The following IRAK4 variants were observed in gnomAD, a reference collection of about 807,000 sequenced individuals.
The protein encoded by IRAK4 is interleukin-1 receptor-associated kinase 4.
A neutral mutation model predicts 51.8 loss-of-function variants in IRAK4; 44 were observed. The observed-to-expected ratio is 0.85, with a 90% CI of 0.67 to 1.09. The LOEUF is 1.09. IRAK4 is among the 50% of genes least tolerant of loss of function. IRAK4 has a pLI of 0.00. For missense variants in IRAK4, 487 were observed against 538.0 expected, an observed-to-expected ratio of 0.91 and a Z score of 0.94; for synonymous variants, 149 against 174.1, an observed-to-expected ratio of 0.86 and a Z score of 1.13.
chr12:43,759,484 G>A (rs1434080056), intron 1 of IRAK4: 1 of 152,208 alleles, frequency 6.6e-6, no homozygotes, highest in Non-Finnish European at 1.5e-5. Context: ...TTAGAAAGTG[G>A]AGGCGGCTTA....
intron 1 of IRAK4, among the ~76,000 whole-genome samples, chr12:43,766,742 T>C (rs1940190795): frequency 6.6e-6 from 1 of 152,180 alleles, no homozygotes; most frequent in South Asian, 2.1e-4. Flanking sequence ...GATAAAACTG[T>C]ACTGGGAAAT....
At chr12:43,773,840 G>A in intron 5 of IRAK4, 125 bp from the exon 6 acceptor site, 1 of 687,522 alleles carries the variant, frequency 1.5e-6, no homozygotes, top group Non-Finnish European at 2.6e-6. Context: ...TTATTCTGTA[G>A]AATTGGGAGA....
chr12:43,776,659 C>T (rs1941300522), intron 6 of IRAK4, among the ~76,000 whole-genome samples: 1 of 152,234 alleles, frequency 6.6e-6, no homozygotes, highest in Non-Finnish European at 1.5e-5. Context: ...AGCTGAGGCT[C>T]AGTAAGGCTG....
At chr12:43,774,574 C>T (rs919591092) in intron 6 of IRAK4, among the ~76,000 whole-genome samples, 7 of 152,206 alleles carry the variant, frequency 4.6e-5, no homozygotes, top group South Asian at 2.1e-4. Flanking sequence ...AACAAAGTTA[C>T]GTGAAATTTC....
rs754111173 is a variant in IRAK4 at position 43,777,587 on chromosome 12, A to G, written c.717-43A>G. On this transcript the variant is annotated intron_variant, in intron 6 of 11. Transcript: ENST00000613694. Reference sequence around the variant, plus strand: ...TAACTTCCAACCTATAGCTGAATATATATTTATTATAATAATTTTGCATGA... The same window carrying G: ...TAACTTCCAACCTATAGCTGAATATGTATTTATTATAATAATTTTGCATGA... 6 of 1,541,786 alleles carry G rather than the reference A, an allele frequency of 3.9e-6. No homozygotes were observed. In the African/African-American group the frequency reaches 5.6e-5, roughly 14 times the overall value.
intron 2 of IRAK4, chr12:43,768,508 A>G (rs1940411837): frequency 5.7e-6 from 2 of 353,804 alleles, no homozygotes; most frequent in African/African-American, 2.1e-5. Context: ...GGTTAGAATC[A>G]AGATTCCCAC....
chr12:43,781,874 T>C (rs1941805396), intron 8 of IRAK4, among the ~76,000 whole-genome samples: 1 of 152,192 alleles, frequency 6.6e-6, no homozygotes, highest in Admixed American at 6.5e-5. Flanking sequence ...AATTCATAAT[T>C]GAGATACTTT....
Position 43,772,897 on chromosome 12 carries a change from C to G in IRAK4, c.491-15C>G. The stretch of plus-strand genomic sequence containing the variant: ...ATTTTTAAAATTTAAGCATGTTTTT[C>G]TTATTTTGACATAGGTTTTCACAGT... On this transcript the variant is annotated splice_polypyrimidine_tract_variant and intron_variant, in intron 4 of 11. Transcript: ENST00000613694. 1 of 1,579,818 alleles carries G rather than the reference C, an allele frequency of 6.3e-7. No individual in the cohort carries two copies. The highest frequency in any genetic ancestry group is 1.7e-5 in the Admixed American group (1 of 58,252).
chr12:43,783,416 C>T (rs1484637939), intron 9 of IRAK4, among the ~76,000 whole-genome samples: 5 of 152,120 alleles, frequency 3.3e-5, no homozygotes, highest in African/African-American at 1.2e-4. Flanking sequence ...CTCCCAGGTT[C>T]TAGTGATCCT....
At chr12:43,771,870 G>T (rs1376469486) in intron 3 of IRAK4, among the ~76,000 whole-genome samples, 1 of 151,940 alleles carries the variant, frequency 6.6e-6, no homozygotes, top group African/African-American at 2.4e-5. Flanking sequence ...AGTTTCCTAG[G>T]GTCTGTTCCA....
intron 1 of IRAK4, among the ~76,000 whole-genome samples, chr12:43,766,934 T>C (rs993784468): frequency 6.6e-6 from 1 of 152,146 alleles, no homozygotes; most frequent in Non-Finnish European, 1.5e-5. Flanking sequence ...TGTGCAGTGA[T>C]GAAAGATAAT....
At chr12:43,768,997 A>G (rs950620389) in intron 2 of IRAK4, among the ~76,000 whole-genome samples, 5 of 152,220 alleles carry the variant, frequency 3.3e-5, no homozygotes, top group Non-Finnish European at 7.3e-5. Flanking sequence ...ATTTCCTCAT[A>G]AGAAGAGCGA....
intron 6 of IRAK4, 113 bp downstream of exon 6, chr12:43,774,142 T>G (rs1206517678): frequency 1.3e-6 from 1 of 755,982 alleles, no homozygotes; most frequent in Non-Finnish European, 2.3e-6. Context: ...ATATATGAAA[T>G]TAAAATAAAG....
At position 43,787,074 on chromosome 12, in the gene IRAK4, G is replaced by T; in HGVS notation, c.*359G>T. 4.1e-6 allele frequency: 1 copy of T among 242,388 alleles called. No individual in the cohort carries two copies. The highest frequency in any genetic ancestry group is 8.0e-6 in the Non-Finnish European group (1 of 125,200). 15.0% of individuals were successfully genotyped at this position (242,388 alleles called of 1,614,324 possible). ...GACTCCACTACTAATTTGCTGTAAA[G>T]CTTTGGACATACACTTAGCTGCTGT... On this transcript the variant is annotated 3_prime_UTR_variant, in exon 12 of 12. Transcript: ENST00000613694.
At position 43,787,011 on chromosome 12, in the gene IRAK4, G is replaced by C. The variant is rs1942265004; in HGVS notation, c.*296G>C. 5.1e-6 allele frequency: 2 copies of C among 394,960 alleles called. No homozygotes were observed. Among genetic ancestry groups the C allele is most frequent in the South Asian group, 6.6e-5 (2 of 30,388 alleles). The allele number at this position is 394,960 out of a possible 1,614,324, so 24.5% of individuals were successfully genotyped here. A position where few individuals can be genotyped will look rare whatever the true frequency, so the allele number is the denominator to read the frequency against. On this transcript the variant is annotated 3_prime_UTR_variant, in exon 12 of 12. Transcript: ENST00000613694. Reference sequence around the variant, plus strand: ...AGGGTTAGCAAAAAGAGCCTGGGCTGTATGTAGGGTGGAAACACTCTGATC... The same window carrying C: ...AGGGTTAGCAAAAAGAGCCTGGGCTCTATGTAGGGTGGAAACACTCTGATC...
rs111813306 is a variant in IRAK4 at position 43,788,798 on chromosome 12, C to T, written c.*2083C>T. 1 of 152,140 alleles carries T rather than the reference C, an allele frequency of 6.6e-6. No homozygotes were observed. The highest frequency in any genetic ancestry group is 1.5e-5 in the Non-Finnish European group (1 of 68,082). The allele number at this position is 152,140 out of a possible 1,614,324, so 9.4% of individuals were successfully genotyped here. A position where few individuals can be genotyped will look rare whatever the true frequency, so the allele number is the denominator to read the frequency against. ...CCTCGTGATCACCCGCCTCGGCCTCCCAAAGTGCCAGTATTTAAAGTTTAA... is the reference window on the plus strand; with the variant it reads ...CCTCGTGATCACCCGCCTCGGCCTCTCAAAGTGCCAGTATTTAAAGTTTAA... On this transcript the variant is annotated 3_prime_UTR_variant, in exon 12 of 12. Coordinates refer to ENST00000613694, the MANE Select transcript of IRAK4 (RefSeq NM_016123.4).
chr12:43,777,474 C>T (rs1941385034), intron 6 of IRAK4, among the ~76,000 whole-genome samples, 156 bp from the exon 7 acceptor site: 1 of 152,080 alleles, frequency 6.6e-6, no homozygotes, highest in Non-Finnish European at 1.5e-5. Flanking sequence ...TAAACAGTTA[C>T]AATAAACATA....
intron 2 of IRAK4, among the ~76,000 whole-genome samples, chr12:43,768,950 G>A (rs191920722): frequency 6.6e-6 from 1 of 152,296 alleles, no homozygotes; most frequent in African/African-American, 2.4e-5. Context: ...ATTAATCTGG[G>A]AAAGAACCTA....
chr12:43,774,746 G>A (rs1941115944), intron 6 of IRAK4, among the ~76,000 whole-genome samples: 1 of 152,188 alleles, frequency 6.6e-6, no homozygotes, highest in African/African-American at 2.4e-5. Flanking sequence ...ATGCTTAGAA[G>A]GCATTGATCC....
Sources: gnomAD v4.1 joint callset for allele counts (sites outside exome capture counted in the v4.1 genomes callset) on GRCh38, gnomAD v4.1.1 for gene constraint, MANE v1.5 for transcripts, NCBI Gene and HGNC (gene_info 2026-07-23, HGNC 2026-07-21) for gene names.